DLG2: variants seen among roughly 807,000 people sequenced by gnomAD.
DLG2 encodes discs large MAGUK scaffold protein 2, also known as disks large homolog 2.
A neutral mutation model predicts 132.5 loss-of-function variants in DLG2; 45 were observed. The observed-to-expected ratio is 0.34, with a 90% CI of 0.27 to 0.44. The LOEUF (loss-of-function observed/expected upper bound fraction) is 0.44, where lower values mean the gene tolerates loss of function less well. Among genes scored for constraint, DLG2 ranks in the 20% least tolerant of loss-of-function variants. The pLI, the probability that DLG2 is intolerant of heterozygous loss-of-function variation, is 1.00. For synonymous variants in DLG2, 424 were observed against 419.6 expected (o/e 1.01, Z -0.13); for missense variants, 1,045 against 1,196.9 (o/e 0.87, Z 1.87).
intron 7 of DLG2, among the ~76,000 whole-genome samples, chr11:84,258,676 CA>C (rs2097512147): frequency 6.6e-6 from 1 of 152,226 alleles, no homozygotes; most frequent in Non-Finnish European, 1.5e-5. Context: ...AGAGGTGCCA[CA>C]AGCAGTTTTT....
chr11:85,031,486 T>C (rs2060995962), intron 6 of DLG2, among the ~76,000 whole-genome samples: 1 of 152,168 alleles, frequency 6.6e-6, no homozygotes, highest in Admixed American at 6.5e-5. Flanking sequence ...GTTTGGTCCT[T>C]TCTTTTTTCT....
intron 6 of DLG2, among the ~76,000 whole-genome samples, chr11:84,679,522 A>T (rs76644401): frequency 0.025 from 3,873 of 152,188 alleles, 170 homozygotes; most frequent in African/African-American, 0.089. Context: ...AAGAAAGAAT[A>T]TGGATTTTCA....
At chr11:84,024,214 C>T (rs1347547936) in intron 11 of DLG2, among the ~76,000 whole-genome samples, 1 of 152,138 alleles carries the variant, frequency 6.6e-6, no homozygotes, top group Admixed American at 6.5e-5. Context: ...CTAACTCTCT[C>T]ATATGGTAAA....
chr11:84,243,206 C>T (rs1357947657), intron 8 of DLG2, among the ~76,000 whole-genome samples: 1 of 152,052 alleles, frequency 6.6e-6, no homozygotes, highest in Non-Finnish European at 1.5e-5. Context: ...ATACAATACC[C>T]ATTAGCCCTA....
chr11:84,077,494 T>A (rs2096845190), intron 10 of DLG2, among the ~76,000 whole-genome samples: 3 of 152,204 alleles, frequency 2.0e-5, no homozygotes, highest in South Asian at 2.1e-4. Flanking sequence ...TGTACATCTC[T>A]ATTTTAATTC....
intron 3 of DLG2, among the ~76,000 whole-genome samples, chr11:85,404,256 T>C (rs988007879): frequency 2.6e-5 from 4 of 151,732 alleles, no homozygotes; most frequent in African/African-American, 9.7e-5. Context: ...TAGGAGAAAG[T>C]AAGGTAACTC....
chr11:85,087,267 T>C (rs1363044123), intron 6 of DLG2, among the ~76,000 whole-genome samples: 1 of 152,138 alleles, frequency 6.6e-6, no homozygotes, highest in Non-Finnish European at 1.5e-5. Context: ...AATAAGTAAT[T>C]AGGAGTATGA....
chr11:84,994,256 C>T (rs954971373), intron 6 of DLG2, among the ~76,000 whole-genome samples: 3 of 152,126 alleles, frequency 2.0e-5, no homozygotes, highest in Admixed American at 6.5e-5. Context: ...ACTGTTTCCT[C>T]ATGTAGCCAC....
intron 18 of DLG2, among the ~76,000 whole-genome samples, chr11:83,750,303 C>T (rs1330756158): frequency 2.0e-5 from 3 of 152,084 alleles, no homozygotes; most frequent in Non-Finnish European, 4.4e-5. Context: ...CTAATGACCA[C>T]GTATAATACT....
chr11:85,461,589 A>AT (rs1028993379), intron 3 of DLG2, among the ~76,000 whole-genome samples: 1 of 152,086 alleles, frequency 6.6e-6, no homozygotes, highest in African/African-American at 2.4e-5. Context: ...GTACTCATTC[A>AT]TTTTTTTAAC....
At chr11:84,231,045 C>T (rs555668401) in intron 8 of DLG2, among the ~76,000 whole-genome samples, 23 of 152,270 alleles carry the variant, frequency 1.5e-4, no homozygotes, top group African/African-American at 3.6e-4. Flanking sequence ...AACACACTAG[C>T]GTCTCTCAGC....
intron 7 of DLG2, among the ~76,000 whole-genome samples, chr11:84,296,390 G>A (rs1162793647): frequency 1.3e-5 from 2 of 152,136 alleles, no homozygotes; most frequent in Non-Finnish European, 2.9e-5. Context: ...TTCACGTTTG[G>A]AGGAGTTGTT....
intron 3 of DLG2, among the ~76,000 whole-genome samples, chr11:85,538,503 G>T (rs1407736810): frequency 2.0e-5 from 3 of 151,750 alleles, no homozygotes; most frequent in Non-Finnish European, 2.9e-5. Context: ...TATGCTCAAA[G>T]GAATATAAAT....
chr11:84,093,291 G>A lies in DLG2; in HGVS notation c.749+5632C>T, dbSNP rs535396142. Among the ~76,000 whole-genome samples, 200 of 152,236 alleles carry A rather than the reference G, an allele frequency of 1.3e-3. 1 individual carries two copies. Among genetic ancestry groups the A allele is most frequent in the Non-Finnish European group, 2.3e-3 (154 of 68,018 alleles). ...AGAATTCAGTTCCTTGAGTTTGTGGGACTGAGGTCCCTGCTTCATTGTTGG... is the reference window on the plus strand; with the variant it reads ...AGAATTCAGTTCCTTGAGTTTGTGGAACTGAGGTCCCTGCTTCATTGTTGG... On this transcript the variant is annotated intron_variant, in intron 10 of 27. Coordinates refer to ENST00000376104, the MANE Select transcript of DLG2 (RefSeq NM_001142699.3).
At chr11:84,904,675 A>T (rs2510414) in intron 6 of DLG2, among the ~76,000 whole-genome samples, 1 of 152,220 alleles carries the variant, frequency 6.6e-6, no homozygotes, top group East Asian at 1.9e-4. Flanking sequence ...ATAATAAACC[A>T]ATCTTAAATG....
chr11:84,830,897 C>T (rs1270050870), intron 6 of DLG2, among the ~76,000 whole-genome samples: 3 of 151,300 alleles, frequency 2.0e-5, no homozygotes, highest in East Asian at 2.0e-4. Context: ...AATAACAGTA[C>T]AGTTGTGTAT....
chr11:84,631,179 C>T (rs1271235789), intron 6 of DLG2, among the ~76,000 whole-genome samples: 1 of 151,930 alleles, frequency 6.6e-6, no homozygotes, highest in Admixed American at 6.6e-5. Flanking sequence ...AAATAATTCA[C>T]TAGATTATGT....
intron 3 of DLG2, among the ~76,000 whole-genome samples, chr11:85,371,700 A>G (rs1019980565): frequency 2.0e-5 from 3 of 152,158 alleles, no homozygotes; most frequent in African/African-American, 7.2e-5. Context: ...TCACTTTATA[A>G]CAGGGATAGG....
intron 19 of DLG2, among the ~76,000 whole-genome samples, chr11:83,627,992 G>T (rs2062897302): frequency 6.6e-6 from 1 of 152,128 alleles, no homozygotes; most frequent in Non-Finnish European, 1.5e-5. Flanking sequence ...TCATGTGTCT[G>T]TTGGCTGCAT....
Sources: gnomAD v4.1 joint callset for allele counts (sites outside exome capture counted in the v4.1 genomes callset) on GRCh38, gnomAD v4.1.1 for gene constraint, MANE v1.5 for transcripts, NCBI Gene and HGNC (gene_info 2026-07-23, HGNC 2026-07-21) for gene names.